The following HACD1 variants were observed in gnomAD, a reference collection of about 807,000 sequenced individuals.
HACD1 encodes 3-hydroxyacyl-CoA dehydratase 1.
Under a neutral mutation model 32.0 loss-of-function variants are expected in HACD1, and 41 were observed. The ratio of observed to expected loss-of-function variants is 1.28; its 90% CI spans 1.00 to 1.66. The LOEUF is 1.66. Ranked by LOEUF, HACD1 falls within the 40% of genes most tolerant of loss-of-function variation. The pLI, the probability that HACD1 is intolerant of heterozygous loss-of-function variation, is 0.00. For missense variants in HACD1, 396 were observed against 380.1 expected (o/e 1.04, Z -0.35); for synonymous variants, 142 against 139.0 (o/e 1.02, Z -0.15).
At chr10:17,615,867 C>A (rs1554817978) in intron 1 of HACD1, 2 of 421,508 alleles carry the variant, frequency 4.7e-6, no homozygotes, top group Admixed American at 2.6e-5. Context: ...CTCCGGAGGC[C>A]GAGGCAGGAG....
intron 4 of HACD1, among the ~76,000 whole-genome samples, chr10:17,601,656 G>A (rs999744240): frequency 2.6e-5 from 4 of 152,008 alleles, no homozygotes; most frequent in East Asian, 1.9e-4. Context: ...TTCCCTCACT[G>A]CCTGGAAGAG....
intron 1 of HACD1, among the ~76,000 whole-genome samples, chr10:17,607,043 C>T (rs560844659): frequency 6.6e-6 from 1 of 152,206 alleles, no homozygotes; most frequent in South Asian, 2.1e-4. Context: ...CCTGAGATAC[C>T]AGTTAATGAT....
intron 6 of HACD1, among the ~76,000 whole-genome samples, chr10:17,593,175 AAAC>A (rs782027638): frequency 6.2e-4 from 94 of 152,300 alleles, no homozygotes; most frequent in Admixed American, 1.1e-3. Flanking sequence ...GTCTCAAAAA[AAAC>A]AACAAAAAAA....
chr10:17,615,251 T>C (rs1833057757), intron 1 of HACD1, among the ~76,000 whole-genome samples: 1 of 152,240 alleles, frequency 6.6e-6, no homozygotes, highest in Admixed American at 6.5e-5. Flanking sequence ...TTGAAACCCA[T>C]GTCTGACTGA....
At position 17,602,604 on chromosome 10, in the gene HACD1, G is replaced by A. The variant is rs529255468; in HGVS notation, c.483+956C>T. ...CAACATGATGTTCTGAAATATGTAC[G>A]CATTGTGAAATGGCTAAATCAAGCT... is the stretch of plus-strand genomic sequence containing the variant. On this transcript the variant is annotated intron_variant, in intron 4 of 6. Transcript: ENST00000361271. Among the ~76,000 whole-genome samples, 333 of 152,162 alleles carry A rather than the reference G, an allele frequency of 2.2e-3. 1 individual carries two copies. Among genetic ancestry groups the A allele is most frequent in the African/African-American group, 7.6e-3 (317 of 41,498 alleles).
chr10:17,607,813 G>C (rs1456940612), intron 1 of HACD1, among the ~76,000 whole-genome samples: 1 of 152,222 alleles, frequency 6.6e-6, no homozygotes, highest in Middle Eastern at 3.4e-3. Context: ...CTAACCTCTT[G>C]TCTGTTTTTC....
At position 17,593,243 on chromosome 10, in the gene HACD1, A is replaced by C. The variant is rs72780762; in HGVS notation, c.784+962T>G. On this transcript the variant is annotated intron_variant, in intron 6 of 6. Transcript: ENST00000361271. ...TTTATGCGCATCTCCTTTAGATGAA[A>C]TAATTTGTATCATGTCGATGTAGAT... 2.0e-3 allele frequency among the ~76,000 whole-genome samples: 307 copies of C among 152,310 alleles called. 1 individual carries two copies. Among genetic ancestry groups the C allele is most frequent in the Non-Finnish European group, 3.5e-3 (239 of 68,022 alleles).
rs1554818252 is a variant in HACD1, at chr10:17,617,192, C to T, written c.148G>A (p.Gly50Ser). 2.0e-6 allele frequency: 3 copies of T among 1,502,490 alleles called. 1 individual carries two copies. Among genetic ancestry groups the T allele is most frequent in the South Asian group, 2.5e-5 (2 of 80,754 alleles). 93.1% of individuals were successfully genotyped at this position (1,502,490 alleles called of 1,614,324 possible). A position where few individuals can be genotyped will look rare whatever the true frequency, so the allele number is the denominator to read the frequency against. The change falls in exon 1 of 7, where the codon GGC (glycine) becomes AGC (serine). Residue 50 changes from glycine to serine, a missense_variant. Physicochemically the swap from Gly to Ser is moderately conservative, Grantham distance 56. Coordinates refer to ENST00000361271, the MANE Select transcript of HACD1 (RefSeq NM_014241.4). ...TCCTCGCCGGCCTCCGAGGCGCCGCCGTTGGTGCCGTCCTCGTCGCTGGAC... is the reference window on the plus strand; with the variant it reads ...TCCTCGCCGGCCTCCGAGGCGCCGCTGTTGGTGCCGTCCTCGTCGCTGGAC... ...MASSDEDGTN[G>S]GASEAGEDRE...
At chr10:17,597,250 A>T (rs112110425) in intron 5 of HACD1, among the ~76,000 whole-genome samples, 45,573 of 151,974 alleles carry the variant, frequency 0.3, 7,262 homozygotes, top group African/African-American at 0.33. Flanking sequence ...TAGTTCAAGC[A>T]ATTCTCCTGC....
chr10:17,607,281 C>T (rs907980366), intron 1 of HACD1, among the ~76,000 whole-genome samples: 1 of 151,980 alleles, frequency 6.6e-6, no homozygotes, highest in South Asian at 2.1e-4. Flanking sequence ...AGTCCTGACC[C>T]CTTTCCACTC....
intron 5 of HACD1, among the ~76,000 whole-genome samples, chr10:17,595,772 G>C (rs1833987989): frequency 6.6e-6 from 1 of 151,736 alleles, no homozygotes; most frequent in Non-Finnish European, 1.5e-5. Flanking sequence ...GAAAACTTAA[G>C]AGGCCAGAGT....
intron 4 of HACD1, chr10:17,603,350 G>A (rs980548262): frequency 2.1e-6 from 1 of 475,340 alleles, no homozygotes; most frequent in Non-Finnish European, 3.7e-6. Context: ...AATATATTAC[G>A]GATCTAAGAT....
chr10:17,590,804 T>C (rs1554815514), intron 6 of HACD1, among the ~76,000 whole-genome samples: 1 of 152,130 alleles, frequency 6.6e-6, no homozygotes, highest in East Asian at 1.9e-4. Flanking sequence ...CCCGAGTAGC[T>C]GAGATTACAG....
intron 5 of HACD1, among the ~76,000 whole-genome samples, chr10:17,594,666 A>G (rs950797464): frequency 6.6e-6 from 1 of 151,970 alleles, no homozygotes; most frequent in Non-Finnish European, 1.5e-5. Context: ...AAAAATGTAT[A>G]TGTAGTTTTT....
chr10:17,610,464 C>T (rs1834216780), intron 1 of HACD1, among the ~76,000 whole-genome samples: 1 of 152,110 alleles, frequency 6.6e-6, no homozygotes, highest in African/African-American at 2.4e-5. Context: ...GCCTGGGCAA[C>T]ATGGCAAGAC....
chr10:17,613,065 C>G (rs1208364158), intron 1 of HACD1, among the ~76,000 whole-genome samples: 1 of 149,590 alleles, frequency 6.7e-6, no homozygotes, highest in Admixed American at 6.7e-5. Flanking sequence ...TATAATATTT[C>G]TTAAATACTA....
At chr10:17,601,550 CTTCCCT>C (rs1834070730) in intron 4 of HACD1, among the ~76,000 whole-genome samples, 2 of 152,296 alleles carry the variant, frequency 1.3e-5, no homozygotes, top group African/African-American at 4.8e-5. Flanking sequence ...GACTCTCAAG[CTTCCCT>C]TTACCTCCAT....
intron 5 of HACD1, among the ~76,000 whole-genome samples, chr10:17,596,220 G>C (rs960814003): frequency 2.6e-5 from 4 of 152,144 alleles, no homozygotes; most frequent in Admixed American, 2.6e-4. Context: ...GAGATGGGGA[G>C]AAGGGCAGAA....
chr10:17,593,138 C>A (rs1414272053), intron 6 of HACD1, among the ~76,000 whole-genome samples: 2 of 151,994 alleles, frequency 1.3e-5, no homozygotes, highest in Admixed American at 1.3e-4. Context: ...CCACTGCACT[C>A]CAGCCTGGGC....
Sources: gnomAD v4.1 joint callset for allele counts (sites outside exome capture counted in the v4.1 genomes callset) on GRCh38, gnomAD v4.1.1 for gene constraint, MANE v1.5 for transcripts, NCBI Gene and HGNC (gene_info 2026-07-23, HGNC 2026-07-21) for gene names.